Variants in BRINP3 observed in about 807,000 individuals in gnomAD.
BRINP3 encodes the protein BMP/retinoic acid-inducible neural-specific protein 3.
In BRINP3, 19 loss-of-function variants were observed where a neutral mutation model predicts 71.0. The observed-to-expected ratio is 0.27, with a 90% confidence interval of 0.19 to 0.39. The LOEUF is 0.39. BRINP3 is among the 10% of genes least tolerant of loss of function. The pLI is 1.00. For synonymous variants in BRINP3, 380 were observed against 337.7 expected (o/e 1.13, Z -1.37); for missense variants, 959 against 940.8 (o/e 1.02, Z -0.25).
In BRINP3 at chr1:190,421,293, T is replaced by TTATTATTATTATTATTAC. The variant is rs1213209175; in HGVS notation, c.236+33361_236+33362insGTAATAATAATAATAATA. 3.8e-3 allele frequency among the ~76,000 whole-genome samples: 400 copies of TTATTATTATTATTATTAC among 106,162 alleles called. 2 individuals are homozygous for TTATTATTATTATTATTAC. Among genetic ancestry groups the TTATTATTATTATTATTAC allele is most frequent in the Non-Finnish European group, 7.0e-3 (320 of 46,004 alleles). The allele number at this position is 106,162 out of a possible 152,430, so 69.6% of individuals were successfully genotyped here. A position where few individuals can be genotyped will look rare whatever the true frequency, so the allele number is the denominator to read the frequency against. On this transcript the variant is annotated intron_variant, in intron 2 of 7. Transcript: ENST00000367462. ...GAAGGACATTTGAACAAGATTCTCATTATTATTATTATTATTATTATTATT... is the reference window on the plus strand; with the variant it reads ...GAAGGACATTTGAACAAGATTCTCATTATTATTATTATTATTACTATTATTATTATTATTATTATTATT...
At chr1:190,271,602 C>A (rs1662115633) in intron 3 of BRINP3, among the ~76,000 whole-genome samples, 1 of 151,510 alleles carries the variant, frequency 6.6e-6, no homozygotes, top group Non-Finnish European at 1.5e-5. Flanking sequence ...TCTACTTTTA[C>A]AAATTCTTTA....
chr1:190,474,593 AC>A (rs1677373211), intron 1 of BRINP3: 1 of 152,508 alleles, frequency 6.6e-6, no homozygotes, highest in African/African-American at 2.4e-5. Flanking sequence ...AACCCTAGTC[AC>A]CTTTTCCTTC....
intron 2 of BRINP3, among the ~76,000 whole-genome samples, chr1:190,353,288 T>C (rs987965891): frequency 7.9e-5 from 12 of 152,046 alleles, no homozygotes; most frequent in African/African-American, 2.9e-4. Context: ...CATCTTTTAG[T>C]ATTCCTCAGC....
intron 6 of BRINP3, among the ~76,000 whole-genome samples, chr1:190,186,486 T>C (rs1390055701): frequency 6.6e-6 from 1 of 152,076 alleles, no homozygotes; most frequent in African/African-American, 2.4e-5. Flanking sequence ...AATACGAAAA[T>C]AAAGGCCACA....
At chr1:190,288,498 C>T (rs1360140069) in intron 2 of BRINP3, among the ~76,000 whole-genome samples, 2 of 151,872 alleles carry the variant, frequency 1.3e-5, no homozygotes, top group African/African-American at 4.8e-5. Flanking sequence ...ATCCTATACT[C>T]ACCAATTTAA....
chr1:190,259,297 A>G (rs552607182), intron 4 of BRINP3, among the ~76,000 whole-genome samples: 51 of 151,620 alleles, frequency 3.4e-4, no homozygotes, highest in Admixed American at 1.3e-3. Context: ...CACATTGACC[A>G]GATGAGATTT....
chr1:190,468,197 T>C (rs1676890151), intron 1 of BRINP3, among the ~76,000 whole-genome samples: 1 of 151,352 alleles, frequency 6.6e-6, no homozygotes, highest in South Asian at 2.1e-4. Context: ...TAGGAAAGCA[T>C]TTCAAAATTA....
Position 190,323,546 on chromosome 1 carries a change from C to T in BRINP3, c.237-41796G>A, listed in dbSNP as rs112577462. Among the ~76,000 whole-genome samples the T allele has an allele frequency of 5.5e-3, 809 of 146,906 alleles. 7 individuals carry two copies. Among genetic ancestry groups the T allele is most frequent in the African/African-American group, 0.019 (759 of 39,710 alleles). ...ATCTAATGAGAGTTATCCATCGGAA[C>T]GAATAAAATAATAATTTAATGTCTA... On this transcript the variant is annotated intron_variant, in intron 2 of 7. Transcript: ENST00000367462.
chr1:190,283,803 G>A (rs890880158), intron 2 of BRINP3, among the ~76,000 whole-genome samples: 2 of 151,388 alleles, frequency 1.3e-5, no homozygotes, highest in African/African-American at 2.4e-5. Flanking sequence ...CAAAATAATA[G>A]TTGCTCATTA....
chr1:190,426,532 A>T (rs1673718723), intron 2 of BRINP3, among the ~76,000 whole-genome samples: 1 of 149,634 alleles, frequency 6.7e-6, no homozygotes, highest in Non-Finnish European at 1.5e-5. Context: ...TTTGATTGGC[A>T]TGTTGGCACT....
At chr1:190,220,140 C>A (rs1436798854) in intron 6 of BRINP3, among the ~76,000 whole-genome samples, 1 of 151,944 alleles carries the variant, frequency 6.6e-6, no homozygotes, top group East Asian at 1.9e-4. Flanking sequence ...AGACTACCTC[C>A]AAGGCATATA....
intron 2 of BRINP3, among the ~76,000 whole-genome samples, chr1:190,427,741 T>G (rs905580971): frequency 6.6e-6 from 1 of 152,070 alleles, no homozygotes; most frequent in African/African-American, 2.4e-5. Flanking sequence ...GATTTTTATT[T>G]TAACTTTTAT....
chr1:190,170,053 A>G (rs949010007), intron 6 of BRINP3, among the ~76,000 whole-genome samples: 5 of 152,094 alleles, frequency 3.3e-5, no homozygotes, highest in Non-Finnish European at 7.4e-5. Context: ...CTTAATAAAT[A>G]TAAATTTTTG....
At chr1:190,157,637 C>T (rs919179540) in intron 7 of BRINP3, among the ~76,000 whole-genome samples, 1 of 152,010 alleles carries the variant, frequency 6.6e-6, no homozygotes, top group African/African-American at 2.4e-5. Flanking sequence ...ATATATAAAG[C>T]ATAAGGCTCA....
At chr1:190,310,007 T>C (rs1665403250) in intron 2 of BRINP3, among the ~76,000 whole-genome samples, 1 of 151,452 alleles carries the variant, frequency 6.6e-6, no homozygotes, top group African/African-American at 2.4e-5. Flanking sequence ...ATACATGGAG[T>C]AGGCTACAAT....
chr1:190,443,318 T>A (rs1308440416), intron 2 of BRINP3, among the ~76,000 whole-genome samples: 8 of 149,446 alleles, frequency 5.4e-5, no homozygotes, highest in East Asian at 4.0e-4. Flanking sequence ...GGCAGGAGAA[T>A]GGCGTGAACC....
At chr1:190,118,800 G>A (rs191638383) in intron 7 of BRINP3, among the ~76,000 whole-genome samples, 33 of 152,220 alleles carry the variant, frequency 2.2e-4, no homozygotes, top group Non-Finnish European at 4.0e-4. Context: ...AGTGGTAAGC[G>A]GTACTGAGGG....
intron 2 of BRINP3, among the ~76,000 whole-genome samples, chr1:190,406,397 A>G (rs1245414074): frequency 6.6e-6 from 1 of 152,188 alleles, no homozygotes; most frequent in Non-Finnish European, 1.5e-5. Context: ...ATCACATTAT[A>G]CTACTATTTC....
chr1:190,133,761 C>T (rs1350178664), intron 7 of BRINP3, among the ~76,000 whole-genome samples: 1 of 151,898 alleles, frequency 6.6e-6, no homozygotes, highest in Non-Finnish European at 1.5e-5. Context: ...ATATCAAGCC[C>T]AATACGGTGG....
Sources: gnomAD v4.1 joint callset for allele counts (sites outside exome capture counted in the v4.1 genomes callset) on GRCh38, gnomAD v4.1.1 for gene constraint, MANE v1.5 for transcripts, NCBI Gene and HGNC (gene_info 2026-07-23, HGNC 2026-07-21) for gene names.